Variants in DLGAP2 observed in about 807,000 individuals in gnomAD.
The protein encoded by DLGAP2 is disks large-associated protein 2.
A neutral mutation model predicts 100.3 loss-of-function variants in DLGAP2; 26 were observed. The ratio of observed to expected loss-of-function variants is 0.26; its 90% CI spans 0.19 to 0.36. The LOEUF (loss-of-function observed/expected upper bound fraction) is 0.36, where lower values mean the gene tolerates loss of function less well. Among genes scored for constraint, DLGAP2 ranks in the 10% least tolerant of loss-of-function variants. The probability of loss-of-function intolerance (pLI) is 1.00; values close to 1 mark genes in which losing one functional copy is unlikely to be tolerated. For synonymous variants in DLGAP2, 886 were observed against 630.1 expected (o/e 1.41, Z -6.08); for missense variants, 1,858 against 1,453.2 (o/e 1.28, Z -4.53).
chr8:1,677,620 GC>G (rs1226665997), intron 11 of DLGAP2, among the ~76,000 whole-genome samples: 1 of 152,332 alleles, frequency 6.6e-6, no homozygotes, highest in African/African-American at 2.4e-5. Context: ...CCAACTGTAA[GC>G]CCCCTCCTAT....
chr8:1,223,392 A>AT (rs151072859), intron 2 of DLGAP2, among the ~76,000 whole-genome samples: 2,162 of 152,276 alleles, frequency 0.014, 31 homozygotes, highest in South Asian at 0.068. Context: ...GCGGTGCTGC[A>AT]TTTTTTAAAG....
chr8:1,599,688 G>T (rs1277641087), intron 6 of DLGAP2, among the ~76,000 whole-genome samples: 1 of 152,094 alleles, frequency 6.6e-6, no homozygotes, highest in Admixed American at 6.6e-5. Flanking sequence ...CAGAGACTAG[G>T]ATTGCAACTC....
intron 12 of DLGAP2, among the ~76,000 whole-genome samples, chr8:1,686,631 G>A (rs1386722729): frequency 6.6e-5 from 10 of 151,750 alleles, no homozygotes; most frequent in South Asian, 2.1e-4. Flanking sequence ...CCAAGATCAC[G>A]CCACTGCACT....
intron 1 of DLGAP2, among the ~76,000 whole-genome samples, chr8:821,443 G>C (rs1386560444): frequency 6.6e-6 from 1 of 152,112 alleles, no homozygotes; most frequent in Non-Finnish European, 1.5e-5. Context: ...TACTTCCTCC[G>C]ATTCATTTCT....
intron 8 of DLGAP2, among the ~76,000 whole-genome samples, chr8:1,634,982 T>C (rs1049178221): frequency 3.9e-5 from 6 of 152,188 alleles, no homozygotes; most frequent in Non-Finnish European, 7.3e-5. Context: ...CAGAATTTCC[T>C]CTAGGTGATG....
chr8:1,338,378 A>G (rs946610373), intron 3 of DLGAP2, among the ~76,000 whole-genome samples: 4 of 152,234 alleles, frequency 2.6e-5, no homozygotes, highest in African/African-American at 9.6e-5. Context: ...GTGAAATGAG[A>G]GAAGCCAGAC....
intron 6 of DLGAP2, among the ~76,000 whole-genome samples, chr8:1,596,099 A>G (rs1796452127): frequency 7.6e-6 from 1 of 132,006 alleles, no homozygotes; most frequent in African/African-American, 2.9e-5. Context: ...TTCATCTCCC[A>G]CTTATGAGTG....
chr8:1,211,282 C>T (rs956396214), intron 2 of DLGAP2, among the ~76,000 whole-genome samples: 5 of 152,140 alleles, frequency 3.3e-5, no homozygotes, highest in African/African-American at 7.2e-5. Flanking sequence ...GCCGTGGGGA[C>T]GTTGTTAAAA....
intron 3 of DLGAP2, among the ~76,000 whole-genome samples, chr8:1,445,381 T>C (rs140106238): frequency 0.035 from 5,351 of 151,648 alleles, 125 homozygotes; most frequent in Middle Eastern, 0.068. Flanking sequence ...AGAATGGTGG[T>C]TTCCAGTTTC....
At chr8:1,101,575 G>A (rs1365426283) in intron 2 of DLGAP2, among the ~76,000 whole-genome samples, 1 of 152,150 alleles carries the variant, frequency 6.6e-6, no homozygotes, top group Non-Finnish European at 1.5e-5. Flanking sequence ...CTGGGAAGAT[G>A]GAAGAGTTCC....
At chr8:1,277,681 G>A (rs962930311) in intron 3 of DLGAP2, among the ~76,000 whole-genome samples, 5 of 152,166 alleles carry the variant, frequency 3.3e-5, no homozygotes, top group Admixed American at 3.3e-4. Flanking sequence ...GAGTGGTGGG[G>A]TGGGCTTCCA....
chr8:1,441,482 G>C (rs975384371), intron 3 of DLGAP2, among the ~76,000 whole-genome samples: 1 of 152,038 alleles, frequency 6.6e-6, no homozygotes, highest in East Asian at 1.9e-4. Context: ...AAGGTCAAGA[G>C]ATCAAGACCA....
At chr8:1,135,199 T>C (rs752654287) in intron 2 of DLGAP2, among the ~76,000 whole-genome samples, 23 of 152,302 alleles carry the variant, frequency 1.5e-4, no homozygotes, top group African/African-American at 4.3e-4. Flanking sequence ...TATATAACAT[T>C]GTGGGGTTTT....
intron 3 of DLGAP2, among the ~76,000 whole-genome samples, chr8:1,358,355 C>T (rs1427605849): frequency 6.6e-6 from 1 of 152,050 alleles, no homozygotes; most frequent in Non-Finnish European, 1.5e-5. Context: ...GGGAAAAAGG[C>T]AGGATGGACA....
intron 1 of DLGAP2, among the ~76,000 whole-genome samples, chr8:796,772 G>A (rs1796044826): frequency 6.6e-6 from 1 of 152,096 alleles, no homozygotes; most frequent in South Asian, 2.1e-4. Context: ...ACTATAACAT[G>A]CCAGCTGTTT....
At chr8:1,373,490 C>A (rs945008092) in intron 3 of DLGAP2, among the ~76,000 whole-genome samples, 1 of 152,242 alleles carries the variant, frequency 6.6e-6, no homozygotes, top group African/African-American at 2.4e-5. Flanking sequence ...GTTTGTGTTT[C>A]TGTGGACACG....
intron 2 of DLGAP2, among the ~76,000 whole-genome samples, chr8:1,139,339 C>T (rs1796480801): frequency 6.6e-6 from 1 of 152,224 alleles, no homozygotes; most frequent in African/African-American, 2.4e-5. Flanking sequence ...ATACCATAGG[C>T]TGGGCAGCCT....
chr8:1,216,069 C>T lies in DLGAP2; in HGVS notation c.74-42782C>T, dbSNP rs4458905. ...GGTGCATCTGTGCATTGGTTGGCTC[C>T]AAGTTTGAATTACTTCTAATTTGTG... On this transcript the variant is annotated intron_variant, in intron 2 of 14. Transcript: ENST00000637795. Among the ~76,000 whole-genome samples the T allele has an allele frequency of 6.5e-3, 994 of 152,168 alleles. 8 individuals carry two copies. The highest frequency in any genetic ancestry group is 0.023 in the African/African-American group (969 of 41,528).
chr8:1,173,953 A>C (rs1797192854), intron 2 of DLGAP2, among the ~76,000 whole-genome samples: 1 of 152,134 alleles, frequency 6.6e-6, no homozygotes, highest in Non-Finnish European at 1.5e-5. Context: ...GAAATGCAGA[A>C]ATCACCGTCT....
Sources: allele counts gnomAD v4.1 joint callset (sites outside exome capture counted in the v4.1 genomes callset), GRCh38; gene constraint gnomAD v4.1.1; transcripts MANE v1.5; gene names NCBI Gene and HGNC (gene_info 2026-07-23, HGNC 2026-07-21).